Variants in MYH9 observed in about 807,000 individuals in gnomAD.
MYH9 encodes myosin-9.
Under a neutral mutation model 241.9 loss-of-function variants are expected in MYH9, and 29 were observed. The observed-to-expected ratio is 0.12, with a 90% CI of 0.09 to 0.16. The LOEUF (loss-of-function observed/expected upper bound fraction) is 0.16. Among genes scored for constraint, MYH9 ranks in the 10% least tolerant of loss-of-function variants. The pLI, the probability that MYH9 is intolerant of heterozygous loss-of-function variation, is 1.00. For missense variants in MYH9, 1,803 were observed against 2,595.5 expected, an observed-to-expected ratio of 0.69 and a Z score of 6.63; for synonymous variants, 1,047 against 1,062.6, an observed-to-expected ratio of 0.99 and a Z score of 0.29.
At chr22:36,356,050 C>A (rs2017850819) in intron 1 of MYH9, among the ~76,000 whole-genome samples, 1 of 152,172 alleles carries the variant, frequency 6.6e-6, no homozygotes, top group South Asian at 2.1e-4. Flanking sequence ...AACCAATCTC[C>A]AATGGCCTTG....
chr22:36,376,506 C>T (rs1371878283), intron 1 of MYH9, among the ~76,000 whole-genome samples: 1 of 152,170 alleles, frequency 6.6e-6, no homozygotes, highest in Non-Finnish European at 1.5e-5. Flanking sequence ...AGCCCTCCAT[C>T]GCTGCTGAGC....
chr22:36,344,455 ATCCAGGCAGCAC>A (rs2017642924), intron 2 of MYH9, among the ~76,000 whole-genome samples: 1 of 22,764 alleles, frequency 4.4e-5, no homozygotes, highest in Admixed American at 5.5e-4. Context: ...GCACCTCCCC[ATCCAGGCAGCAC>A]CTCCCCATCC....
chr22:36,375,091 G>A (rs2018145873), intron 1 of MYH9, among the ~76,000 whole-genome samples: 1 of 152,186 alleles, frequency 6.6e-6, no homozygotes. Context: ...CACCCAGCCA[G>A]TGCCTTATAC....
chr22:36,296,237 CTCTT>C (rs1160318694), intron 25 of MYH9, among the ~76,000 whole-genome samples: 1 of 152,086 alleles, frequency 6.6e-6, no homozygotes, highest in Non-Finnish European at 1.5e-5. Flanking sequence ...AAAATAAAGT[CTCTT>C]TCTTTTTTTT....
intron 1 of MYH9, 63 bp from the exon 2 acceptor site, chr22:36,349,318 A>C: frequency 1.1e-4 from 131 of 1,222,914 alleles, no homozygotes; most frequent in Middle Eastern, 2.0e-4. Flanking sequence ...AAGATCACTC[A>C]TGCTCACACC....
chr22:36,325,208 CT>C, intron 5 of MYH9: 1 of 685,672 alleles, frequency 1.5e-6, no homozygotes, highest in East Asian at 2.7e-5. Context: ...AGAAAAGAAA[CT>C]GTATTAGTTT....
rs1221932810 is a variant in MYH9, at chr22:36,296,965, G to A, written c.3150C>T (p.Arg1050=). 1 of 1,614,052 alleles carries A rather than the reference G, an allele frequency of 6.2e-7. No homozygotes were observed. The highest frequency in any genetic ancestry group is 1.3e-5 in the African/African-American group (1 of 74,952). The part of the protein sequence containing the change: ...EKQRQELEKT[R]RKLEGDSTDL... Reference sequence around the variant, plus strand: ...CTGTGGAGTCTCCCTCCAGCTTCCGGCGGGTCTTCTCCAGCTCCTGTCGCT... The same window carrying A: ...CTGTGGAGTCTCCCTCCAGCTTCCGACGGGTCTTCTCCAGCTCCTGTCGCT... The change falls in exon 25 of 41, where the codon CGC becomes CGT. Residue 1050 remains arginine, a synonymous_variant. Coordinates refer to ENST00000216181, the MANE Select transcript of MYH9 (RefSeq NM_002473.6).
At position 36,353,575 on chromosome 22, in the gene MYH9, A is replaced by C. The variant is rs550213176; in HGVS notation, c.-19-4320T>G. 1.8e-3 allele frequency among the ~76,000 whole-genome samples: 280 copies of C among 152,222 alleles called. 2 individuals are homozygous for C. Among genetic ancestry groups the C allele is most frequent in the African/African-American group, 6.5e-3 (269 of 41,550 alleles). ...GGGGTTTTAGGTCAGGCTGGTCTTGAACTCTTGACCTCAGGTGATCTGCCC... is the reference window on the plus strand; with the variant it reads ...GGGGTTTTAGGTCAGGCTGGTCTTGCACTCTTGACCTCAGGTGATCTGCCC... On this transcript the variant is annotated intron_variant, in intron 1 of 40. Coordinates refer to ENST00000216181, the MANE Select transcript of MYH9 (RefSeq NM_002473.6).
intron 3 of MYH9, 64 bp downstream of exon 3, chr22:36,341,306 A>G (rs1329182078): frequency 1.3e-6 from 2 of 1,599,368 alleles, no homozygotes; most frequent in African/African-American, 1.3e-5. Context: ...TAGCACCTGC[A>G]AAGGTGTCAA....
chr22:36,305,892 C>G lies in MYH9; in HGVS notation c.2159+38G>C, dbSNP rs766905775. On this transcript the variant is annotated intron_variant, in intron 17 of 40. Coordinates refer to ENST00000216181, the MANE Select transcript of MYH9 (RefSeq NM_002473.6). The surrounding 1 kb of genome is among the most constrained non-coding windows in gnomAD (Gnocchi z 4.7). ...CCTCTGGGACTCACTGCACGCACAG[C>G]AGGGCCCAGGAGAAGCGGGCTCCGG... 3 of 1,611,670 alleles carry G rather than the reference C, an allele frequency of 1.9e-6. No homozygotes were observed. The highest frequency in any genetic ancestry group is 2.5e-6 in the Non-Finnish European group (3 of 1,179,406).
At chr22:36,359,141 C>CCGTCTGTGCTCTGT (rs1400113848) in intron 1 of MYH9, among the ~76,000 whole-genome samples, 2 of 152,202 alleles carry the variant, frequency 1.3e-5, no homozygotes, top group Non-Finnish European at 2.9e-5. Flanking sequence ...TATGGCCCTC[C>CCGTCTGTGCTCTGT]CGTCTGTGCT....
At chr22:36,353,123 G>C (rs79335554) in intron 1 of MYH9, among the ~76,000 whole-genome samples, 1 of 151,658 alleles carries the variant, frequency 6.6e-6, no homozygotes, top group African/African-American at 2.4e-5. Flanking sequence ...GTGTGTGTGT[G>C]TGTGTGTGTA....
In MYH9 at chr22:36,305,215, T is replaced by G; in HGVS notation, c.2160-113A>C. 2.1e-6 allele frequency: 2 copies of G among 934,764 alleles called. No individual in the cohort carries two copies. The highest frequency in any genetic ancestry group is 3.3e-5 in the African/African-American group (2 of 61,350). The allele number at this position is 934,764 out of a possible 1,614,324, so 57.9% of individuals were successfully genotyped here. On this transcript the variant is annotated intron_variant, in intron 17 of 40. Transcript: ENST00000216181. The surrounding 1 kb of genome is among the most constrained non-coding windows in gnomAD (Gnocchi z 4.7). ...TACAATGCAACAGACACAGAATTCT[T>G]TACACAAACTCTCCTAAGGAAAGAA...
rs1260449358 is a variant in MYH9, at chr22:36,293,943, C to A, written c.3838-80G>T. ...CCCACCTCATCTCCTTTAGGTAAAG[C>A]TGGACCTGAGTCACAAGCTGAACCA... is the stretch of plus-strand genomic sequence containing the variant. On this transcript the variant is annotated intron_variant, in intron 28 of 40. Coordinates refer to ENST00000216181, the MANE Select transcript of MYH9 (RefSeq NM_002473.6). The surrounding 1 kb of genome is among the most constrained non-coding windows in gnomAD (Gnocchi z 5.1). 6.7e-7 allele frequency: 1 copy of A among 1,482,688 alleles called. No individual in the cohort carries two copies. The highest frequency in any genetic ancestry group is 9.3e-7 in the Non-Finnish European group (1 of 1,079,742). 91.8% of individuals were successfully genotyped at this position (1,482,688 alleles called of 1,614,324 possible). A position where few individuals can be genotyped will look rare whatever the true frequency, so the allele number is the denominator to read the frequency against.
intron 9 of MYH9, 139 bp from the exon 10 acceptor site, chr22:36,319,774 G>C: frequency 2.3e-6 from 2 of 853,066 alleles, no homozygotes; most frequent in Non-Finnish European, 3.8e-6. Flanking sequence ...CCACAGGGGC[G>C]CCAGGTCTGC....
At chr22:36,363,622 A>G (rs889549009) in intron 1 of MYH9, among the ~76,000 whole-genome samples, 2 of 152,236 alleles carry the variant, frequency 1.3e-5, no homozygotes, top group African/African-American at 2.4e-5. Flanking sequence ...CAATATTTGC[A>G]CAGTGACATC....
intron 20 of MYH9, chr22:36,302,193 T>C: frequency 3.5e-6 from 1 of 288,804 alleles, no homozygotes; most frequent in Admixed American, 4.9e-5. Context: ...TGTGAATTTT[T>C]ATTTAATTCT....
intron 1 of MYH9, among the ~76,000 whole-genome samples, chr22:36,370,127 C>T (rs1304723770): frequency 6.6e-6 from 1 of 152,174 alleles, no homozygotes; most frequent in African/African-American, 2.4e-5. Context: ...CATTTATTTT[C>T]CTCATTCCAC....
chr22:36,365,547 A>C (rs1444756501), intron 1 of MYH9, among the ~76,000 whole-genome samples: 1 of 151,892 alleles, frequency 6.6e-6, no homozygotes, highest in Non-Finnish European at 1.5e-5. Context: ...GCTCGCTGCA[A>C]CCTCCTGGGT....
Sources: gnomAD v4.1 joint callset for allele counts (sites outside exome capture counted in the v4.1 genomes callset) on GRCh38, gnomAD v4.1.1 for gene constraint, Gnocchi (gnomAD v3.1) non-coding constraint, MANE v1.5 for transcripts, NCBI Gene and HGNC (gene_info 2026-07-23, HGNC 2026-07-21) for gene names.